CCDC158: variants seen among roughly 807,000 people sequenced by gnomAD.
The protein encoded by CCDC158 is coiled-coil domain-containing protein 158.
CCDC158 carries 116 observed loss-of-function variants against 138.6 expected under a neutral mutation model. The observed-to-expected ratio is 0.84, with a 90% confidence interval of 0.72 to 0.98. The LOEUF is 0.98. Ranked by LOEUF, CCDC158 falls within the 50% of genes least tolerant of loss-of-function variation. CCDC158 has a pLI of 0.00. For synonymous variants in CCDC158, 436 were observed against 442.4 expected (o/e 0.99, Z 0.18); for missense variants, 1,265 against 1,306.1 (o/e 0.97, Z 0.48).
rs1245352942 is a variant in CCDC158 at position 76,367,417 on chromosome 4, C to A, written c.1707G>T (p.Gln569His). 1 of 1,614,252 alleles carries A rather than the reference C, an allele frequency of 6.2e-7. No individual in the cohort carries two copies. The highest frequency in any genetic ancestry group is 1.7e-5 in the Admixed American group (1 of 60,030). ...CCAGCTGTGTCATGTTCTCAATCTGCTGTCGCAGAATCTCGATCACCTTGT... is the reference window on the plus strand; with the variant it reads ...CCAGCTGTGTCATGTTCTCAATCTGATGTCGCAGAATCTCGATCACCTTGT... ...EKDKVIEILR[Q>H]QIENMTQLVG... Residue 569 changes from glutamine to histidine, a missense_variant, in exon 12 of 25, where the codon CAG becomes CAT. Transcript: ENST00000682701.
intron 4 of CCDC158, among the ~76,000 whole-genome samples, chr4:76,395,539 A>G (rs895461052): frequency 7.2e-5 from 11 of 152,182 alleles, no homozygotes; most frequent in African/African-American, 2.7e-4. Flanking sequence ...TTGGTGCATA[A>G]TAAGAGTTTG....
At chr4:76,339,597 C>T (rs754401776) in intron 18 of CCDC158, among the ~76,000 whole-genome samples, 5 of 152,222 alleles carry the variant, frequency 3.3e-5, no homozygotes, top group Non-Finnish European at 7.3e-5. Context: ...CCAGCCAACA[C>T]CACAGCTGCA....
At position 76,323,366 on chromosome 4, in the gene CCDC158, C is replaced by G; in HGVS notation, c.3213G>C (p.Arg1071Ser). ...PPIETTGKTC[R>S]KLQNRLESLQ... ...AGCTTTCTAGTCTGTTCTGAAGCTT[C>G]CTGCATGTTTTTCCTGTTGTTTCTA... is the stretch of plus-strand genomic sequence containing the variant. Residue 1071 changes from arginine (R) to serine (S), a missense_variant, in exon 24 of 25, where the codon AGG (arginine) becomes AGC (serine). By Grantham distance (110) the Arg-to-Ser change is moderately radical. Transcript: ENST00000682701. 1 of 1,612,400 alleles carries G rather than the reference C, an allele frequency of 6.2e-7. No homozygotes were observed. Among genetic ancestry groups the G allele is most frequent in the Admixed American group, 1.7e-5 (1 of 59,728 alleles).
chr4:76,421,740 C>T (rs1730146362), upstream of CCDC158: 1 of 145,508 alleles, frequency 6.9e-6, no homozygotes, highest in Non-Finnish European at 1.5e-5. Flanking sequence ...ACAGAATTCA[C>T]ATTTTGCAGC....
At chr4:76,397,485 G>A (rs1184523930) in intron 3 of CCDC158, among the ~76,000 whole-genome samples, 1 of 152,102 alleles carries the variant, frequency 6.6e-6, no homozygotes, top group Non-Finnish European at 1.5e-5. Flanking sequence ...ACAGAGAAAA[G>A]AAGATTGTTC....
chr4:76,349,650 A>G (rs1560407448), intron 18 of CCDC158, among the ~76,000 whole-genome samples: 1 of 152,250 alleles, frequency 6.6e-6, no homozygotes, highest in Non-Finnish European at 1.5e-5. Flanking sequence ...CCTCAGTGAC[A>G]GAGCAAGACT....
chr4:76,344,640 A>G (rs1722371508), intron 18 of CCDC158: 1 of 1,575,924 alleles, frequency 6.3e-7, no homozygotes, highest in Non-Finnish European at 8.7e-7. Flanking sequence ...AGTCAAATTT[A>G]CAGTGCACAC....
intron 18 of CCDC158, chr4:76,344,571 C>A: frequency 8.8e-7 from 1 of 1,139,458 alleles, no homozygotes; most frequent in Non-Finnish European, 1.3e-6. Flanking sequence ...ATCTCTGGAC[C>A]TGAATGTTGA....
intron 18 of CCDC158, among the ~76,000 whole-genome samples, chr4:76,335,216 A>G (rs1721369250): frequency 6.6e-6 from 1 of 152,328 alleles, no homozygotes; most frequent in East Asian, 1.9e-4. Flanking sequence ...GAATAAAAAC[A>G]TTTGTCTCTA....
intron 9 of CCDC158, among the ~76,000 whole-genome samples, chr4:76,376,615 C>A (rs1044497030): frequency 2.0e-5 from 3 of 152,118 alleles, no homozygotes; most frequent in Non-Finnish European, 4.4e-5. Flanking sequence ...TTTTTATGAT[C>A]CCAAGTGAAA....
intron 23 of CCDC158, among the ~76,000 whole-genome samples, chr4:76,324,123 T>C (rs1390910652): frequency 1.3e-5 from 2 of 152,184 alleles, no homozygotes; most frequent in Non-Finnish European, 2.9e-5. Flanking sequence ...ACCCTTTTCA[T>C]TACAGCATTC....
Position 76,369,608 on chromosome 4 carries a change from T to C in CCDC158, c.1165A>G (p.Arg389Gly). Residue 389 changes from arginine (R) to glycine (G), a missense_variant, in exon 11 of 25, where the codon AGG becomes GGG. By Grantham distance (125) the Arg-to-Gly change is moderately radical (BLOSUM62 -2). Transcript: ENST00000682701. ...LQKLLADLHK[R>G]EKELSLEKEQ... ...TTCTCCAGACTCAGCTCCTTCTCCC[T>C]TTTGTGTAGATCAGCCTAAAAAAAG... 1 of 1,613,964 alleles carries C rather than the reference T, an allele frequency of 6.2e-7. No individual in the cohort carries two copies. The highest frequency in any genetic ancestry group is 8.5e-7 in the Non-Finnish European group (1 of 1,179,890).
chr4:76,332,051 G>C (rs527637186), intron 20 of CCDC158, among the ~76,000 whole-genome samples: 1 of 152,238 alleles, frequency 6.6e-6, no homozygotes, highest in South Asian at 2.1e-4. Flanking sequence ...ATGGTTTTCA[G>C]TAAGGTGCTT....
intron 4 of CCDC158, among the ~76,000 whole-genome samples, chr4:76,389,486 C>T (rs1279333740): frequency 1.3e-5 from 2 of 151,900 alleles, no homozygotes; most frequent in Non-Finnish European, 2.9e-5. Context: ...CTCAAAAGGG[C>T]AAATCTAAGT....
At chr4:76,400,211 A>C (rs1728223908) in intron 3 of CCDC158, among the ~76,000 whole-genome samples, 1 of 152,102 alleles carries the variant, frequency 6.6e-6, no homozygotes, top group Admixed American at 6.6e-5. Context: ...ACACCATGGA[A>C]TACTATGCAG....
At chr4:76,355,799 G>A (rs543311856) in intron 14 of CCDC158, among the ~76,000 whole-genome samples, 1 of 2,146 alleles carries the variant, frequency 4.7e-4, no homozygotes, top group African/African-American at 5.3e-4. Flanking sequence ...ATATATGTAC[G>A]TGTGTGTGTG....
Position 76,384,587 on chromosome 4 carries a change from G to C in CCDC158, c.367C>G (p.Gln123Glu). ...IDLQTKLQEM[Q>E]MERDAMADIR... ...TCAGCCATAGCATCTCTCTCCATTT[G>C]CATCTCCTGAAGTTTTGTTTGCAAA... Residue 123 changes from glutamine (Q) to glutamate (E), a missense_variant, in exon 5 of 25, where the codon CAA becomes GAA. Gln to Glu is a conservative substitution (Grantham distance 29). Transcript: ENST00000682701. The C allele has an allele frequency of 6.2e-7, 1 of 1,612,714 alleles. No homozygotes were observed. Among genetic ancestry groups the C allele is most frequent in the Non-Finnish European group, 8.5e-7 (1 of 1,179,512 alleles).
intron 22 of CCDC158, 126 bp from the exon 23 acceptor site, chr4:76,326,141 C>G (rs2110087396): frequency 1.4e-6 from 1 of 733,952 alleles, no homozygotes; most frequent in Admixed American, 2.8e-5. Context: ...GGACATTCTT[C>G]TAAATACCCA....
At chr4:76,409,636 C>T (rs1729130239) in intron 2 of CCDC158, among the ~76,000 whole-genome samples, 1 of 151,936 alleles carries the variant, frequency 6.6e-6, no homozygotes, top group African/African-American at 2.4e-5. Flanking sequence ...TAGAGACCAT[C>T]CTGGCTAACA....
Sources: gnomAD v4.1 joint callset for allele counts (sites outside exome capture counted in the v4.1 genomes callset) on GRCh38, gnomAD v4.1.1 for gene constraint, MANE v1.5 for transcripts, NCBI Gene and HGNC (gene_info 2026-07-23, HGNC 2026-07-21) for gene names.